Variants in PCDHA3 observed in about 807,000 individuals in gnomAD.
PCDHA3 encodes the protein protocadherin alpha 3.
Under a neutral mutation model 62.2 loss-of-function variants are expected in PCDHA3, and 41 were observed. The observed-to-expected ratio is 0.66, with a 90% CI of 0.51 to 0.86. PCDHA3 has a LOEUF of 0.86. Among genes scored for constraint, PCDHA3 ranks in the 40% least tolerant of loss-of-function variants. PCDHA3 has a pLI of 0.00. For missense variants in PCDHA3, 1,304 were observed against 1,241.2 expected (o/e 1.05, Z -0.76); for synonymous variants, 640 against 555.4 (o/e 1.15, Z -2.14).
intron 1 of PCDHA3, chr5:140,968,823 A>T (rs569036779): frequency 1.2e-6 from 2 of 1,614,192 alleles, no homozygotes; most frequent in Non-Finnish European, 8.5e-7. Context: ...AGGGTTTCCA[A>T]AATCCTCCCT....
chr5:140,835,821 G>C (rs2150245813), intron 1 of PCDHA3: 5 of 1,612,596 alleles, frequency 3.1e-6, no homozygotes, highest in Admixed American at 1.7e-5. Context: ...TGTGTCGGCG[G>C]GGGACGCGGA....
At chr5:140,978,713 A>G (rs2096819329) in intron 1 of PCDHA3, among the ~76,000 whole-genome samples, 1 of 152,272 alleles carries the variant, frequency 6.6e-6, no homozygotes, top group Admixed American at 6.5e-5. Flanking sequence ...GGCCTTTACA[A>G]GATTATTAAA....
At chr5:140,930,002 C>T (rs1304233576) in intron 1 of PCDHA3, 4 of 152,196 alleles carry the variant, frequency 2.6e-5, no homozygotes, top group African/African-American at 9.6e-5. Flanking sequence ...CACCCTAAAA[C>T]ATAGCTGATA....
At chr5:140,807,353 C>G in intron 1 of PCDHA3, 2 of 1,610,912 alleles carry the variant, frequency 1.2e-6, no homozygotes, top group Non-Finnish European at 1.7e-6. Flanking sequence ...GGGACTGGAG[C>G]TGGCGGAGCT....
intron 1 of PCDHA3, chr5:140,825,004 C>T (rs1554130121): frequency 6.6e-6 from 1 of 151,952 alleles, no homozygotes; most frequent in East Asian, 1.9e-4. Context: ...ACATGGTTTA[C>T]TGTTCTAAAG....
rs1562687946 is a variant in PCDHA3 at position 140,874,243 on chromosome 5, TG to T, written c.2394+70654del. ...GTAGGAATGAATGGCAACAAATTAT[TG>T]GTTTAAAGATTTTGACTTGAGTATT... On this transcript the variant is annotated intron_variant, in intron 1 of 3. Coordinates refer to ENST00000522353, the MANE Select transcript of PCDHA3 (RefSeq NM_018906.3). 2.0e-5 allele frequency among the ~76,000 whole-genome samples: 3 copies of T among 152,230 alleles called. No homozygotes were observed. In the South Asian group the frequency reaches 6.2e-4, roughly 32 times the overall value.
intron 1 of PCDHA3, chr5:140,812,553 TGTTAA>T (rs1226442565): frequency 6.6e-6 from 1 of 152,168 alleles, no homozygotes; most frequent in Non-Finnish European, 1.5e-5. Context: ...TTCCTTGAGT[TGTTAA>T]GTTTTTTATT....
intron 3 of PCDHA3, among the ~76,000 whole-genome samples, chr5:141,007,259 G>A (rs2098311634): frequency 6.6e-6 from 1 of 151,998 alleles, no homozygotes; most frequent in Non-Finnish European, 1.5e-5. Flanking sequence ...GTTAAAAGAA[G>A]CAGATACAGG....
rs184346855 is a variant in PCDHA3 at position 140,854,945 on chromosome 5, A to C, written c.2394+51354A>C. 2.0e-5 allele frequency among the ~76,000 whole-genome samples: 3 copies of C among 150,054 alleles called. 1 individual carries two copies. Among genetic ancestry groups the C allele is most frequent in the African/African-American group, 7.3e-5 (3 of 41,022 alleles). ...TTTGCCTCTGAAAGCAGAAATAATA[A>C]ATTTCTTAATTACTTTATTCAGAAT... On this transcript the variant is annotated intron_variant, in intron 1 of 3. Transcript: ENST00000522353.
At chr5:140,878,906 C>T (rs1320249788) in intron 1 of PCDHA3, among the ~76,000 whole-genome samples, 2 of 152,210 alleles carry the variant, frequency 1.3e-5, no homozygotes, top group African/African-American at 4.8e-5. Flanking sequence ...CAGGCTCCAC[C>T]ACTCCCAGCT....
intron 1 of PCDHA3, among the ~76,000 whole-genome samples, chr5:140,947,543 G>T (rs1013985097): frequency 6.6e-5 from 10 of 151,548 alleles, no homozygotes; most frequent in Non-Finnish European, 1.2e-4. Flanking sequence ...TTTCTACAAA[G>T]AATTCCGCTG....
intron 1 of PCDHA3, chr5:140,841,216 G>T: frequency 7.1e-7 from 1 of 1,417,674 alleles, no homozygotes; most frequent in South Asian, 1.4e-5. Flanking sequence ...GTCTCTAAAG[G>T]CCGAACAACG....
At chr5:140,843,340 C>T (rs1290060439) in intron 1 of PCDHA3, 3 of 1,595,900 alleles carry the variant, frequency 1.9e-6, no homozygotes, top group African/African-American at 2.7e-5. Context: ...TGGAGAGCGG[C>T]CAGGCTCCAA....
chr5:140,841,315 A>G, intron 1 of PCDHA3: 2 of 1,599,632 alleles, frequency 1.3e-6, no homozygotes, highest in South Asian at 1.1e-5. Flanking sequence ...GGAAACGACT[A>G]TTTAACATGG....
intron 1 of PCDHA3, chr5:140,828,066 T>A (rs1334678252): frequency 6.4e-7 from 1 of 1,559,958 alleles, no homozygotes. Context: ...GATCTTCTAA[T>A]GGAAATAAAA....
chr5:140,952,081 A>G (rs1554220214), intron 1 of PCDHA3, among the ~76,000 whole-genome samples: 3 of 152,064 alleles, frequency 2.0e-5, no homozygotes. Flanking sequence ...CATTGACTCC[A>G]TGTCTCACAT....
Position 140,802,164 on chromosome 5 carries a change from A to G in PCDHA3, c.967A>G (p.Thr323Ala), listed in dbSNP as rs1762858947. The G allele has an allele frequency of 6.2e-7, 1 of 1,614,140 alleles. No homozygotes were observed. The highest frequency in any genetic ancestry group is 1.3e-5 in the African/African-American group (1 of 74,950). Reference protein sequence around the residue: ...SKSYEIQVEATDKGNPPMSDH... With the variant: ...SKSYEIQVEAADKGNPPMSDH... ...GTCATATGAAATCCAGGTAGAAGCC[A>G]CGGATAAAGGAAATCCCCCAATGTC... The change falls in exon 1 of 4, where the codon ACG becomes GCG. Residue 323 changes from threonine to alanine, a missense_variant. Thr to Ala is a moderately conservative substitution (Grantham distance 58). Coordinates refer to ENST00000522353, the MANE Select transcript of PCDHA3 (RefSeq NM_018906.3).
chr5:140,880,063 G>A (rs750549371), intron 1 of PCDHA3, among the ~76,000 whole-genome samples: 2 of 151,982 alleles, frequency 1.3e-5, no homozygotes, highest in Non-Finnish European at 2.9e-5. Flanking sequence ...AACTTTTTGG[G>A]GACCACAATT....
At chr5:140,926,301 C>T (rs1554203262) in intron 1 of PCDHA3, 1 of 152,336 alleles carries the variant, frequency 6.6e-6, no homozygotes, top group Non-Finnish European at 1.5e-5. Flanking sequence ...GTCCCGCCCT[C>T]TCCGCCGGAG....
Sources: gnomAD v4.1 joint callset for allele counts (sites outside exome capture counted in the v4.1 genomes callset) on GRCh38, gnomAD v4.1.1 for gene constraint, MANE v1.5 for transcripts, NCBI Gene and HGNC (gene_info 2026-07-23, HGNC 2026-07-21) for gene names.